CTSB: variants seen among roughly 807,000 people sequenced by gnomAD.
CTSB encodes APP secretase.
CTSB carries 57 observed loss-of-function variants against 44.3 expected under a neutral mutation model. That is an observed-to-expected ratio of 1.29 (90% CI 1.04 to 1.60). The LOEUF (loss-of-function observed/expected upper bound fraction) is 1.60, where lower values mean the gene tolerates loss of function less well. Ranked by LOEUF, CTSB falls within the 40% of genes most tolerant of loss-of-function variation. CTSB has a pLI of 0.00. For synonymous variants in CTSB, 320 were observed against 168.0 expected (o/e 1.91, Z -7.00); for missense variants, 768 against 443.0 (o/e 1.73, Z -6.59).
chr8:11,856,572 G>C (rs1371500215), intron 1 of CTSB, among the ~76,000 whole-genome samples: 1 of 152,164 alleles, frequency 6.6e-6, no homozygotes, highest in Non-Finnish European at 1.5e-5. Context: ...CTGGACGACA[G>C]ATTGAGACTT....
At chr8:11,855,332 T>C in intron 1 of CTSB, among the ~76,000 whole-genome samples, 1 of 152,122 alleles carries the variant, frequency 6.6e-6, no homozygotes, top group Non-Finnish European at 1.5e-5. Flanking sequence ...CAGATCTTAA[T>C]TTAAAAAGTT....
Position 11,847,654 on chromosome 8 carries a change from C to T in CTSB, c.676+25G>A, listed in dbSNP as rs540240066. 419 of 1,509,480 alleles carry T rather than the reference C, an allele frequency of 2.8e-4. 1 individual carries two copies. The South Asian group carries it at 4.6e-3, about 16-fold the overall frequency. The allele number at this position is 1,509,480 out of a possible 1,614,324, so 93.5% of individuals were successfully genotyped here. A position where few individuals can be genotyped will look rare whatever the true frequency, so the allele number is the denominator to read the frequency against. ...GCAGCTCCCCAGCCTCCACGTGCGC[C>T]GTGGCCAGGCCCCAGGCCCCTTACC... On this transcript the variant is annotated intron_variant, in intron 7 of 9. Coordinates refer to ENST00000353047, the MANE Select transcript of CTSB (RefSeq NM_001908.5).
At chr8:11,852,526 G>A (rs568492552) in intron 3 of CTSB, 84 bp downstream of exon 3, 3 of 1,065,410 alleles carry the variant, frequency 2.8e-6, no homozygotes, top group African/African-American at 1.6e-5. Context: ...GGACGCCAGA[G>A]AGGCCTTCAC....
At chr8:11,862,557 T>A (rs568643232) in intron 1 of CTSB, 1 of 152,270 alleles carries the variant, frequency 6.6e-6, no homozygotes, top group Non-Finnish European at 1.5e-5. Flanking sequence ...CTGTCTTGAC[T>A]GCCAAAGCAA....
rs367935240 is a variant in CTSB, at chr8:11,848,164, G to A, written c.447-12C>T. 3 of 1,611,718 alleles carry A rather than the reference G, an allele frequency of 1.9e-6. No homozygotes were observed. The highest frequency in any genetic ancestry group is 1.7e-5 in the Admixed American group (1 of 60,000). ...AGCCACCATTACAGCTGAAAAGACAGCCTCTAATGAAAACCTCTGAGAGAA... is the reference window on the plus strand; with the variant it reads ...AGCCACCATTACAGCTGAAAAGACAACCTCTAATGAAAACCTCTGAGAGAA... On this transcript the variant is annotated splice_polypyrimidine_tract_variant and intron_variant, in intron 5 of 9. Coordinates refer to ENST00000353047, the MANE Select transcript of CTSB (RefSeq NM_001908.5).
intron 8 of CTSB, chr8:11,846,289 T>TC (rs1297216432): frequency 2.0e-5 from 3 of 152,320 alleles, no homozygotes; most frequent in African/African-American, 7.2e-5. Context: ...CCAACCAGGC[T>TC]CTCGGGTGGG....
At position 11,844,338 on chromosome 8, in the gene CTSB, T is replaced by C. The variant is rs906320300; in HGVS notation, c.*787A>G. The C allele has an allele frequency of 6.6e-6, 1 of 152,222 alleles. No homozygotes were observed. Among genetic ancestry groups the C allele is most frequent in the Admixed American group, 6.5e-5 (1 of 15,286 alleles). The allele number at this position is 152,222 out of a possible 1,614,324, so 9.4% of individuals were successfully genotyped here. A position where few individuals can be genotyped will look rare whatever the true frequency, so the allele number is the denominator to read the frequency against. The stretch of plus-strand genomic sequence containing the variant: ...TAGACTTCAAGTTGGAGAAAACTTT[T>C]ATTGGCACAGGCATTCCTTGTTAAC... On this transcript the variant is annotated 3_prime_UTR_variant, in exon 10 of 10. Coordinates refer to ENST00000353047, the MANE Select transcript of CTSB (RefSeq NM_001908.5).
chr8:11,847,207 G>A (rs1428822315), intron 7 of CTSB, 39 bp from the exon 8 acceptor site: 1 of 1,365,478 alleles, frequency 7.3e-7, no homozygotes, highest in South Asian at 1.2e-5. Context: ...GGAGGGCAGT[G>A]ACCGTGCCTC....
chr8:11,866,509 G>C (rs1817173813), intron 1 of CTSB, among the ~76,000 whole-genome samples: 1 of 152,238 alleles, frequency 6.6e-6, no homozygotes, highest in African/African-American at 2.4e-5. Flanking sequence ...CTTTGGGAAA[G>C]CTACACAGGG....
intron 1 of CTSB, among the ~76,000 whole-genome samples, chr8:11,859,286 C>T (rs1235500576): frequency 6.6e-6 from 1 of 152,078 alleles, no homozygotes; most frequent in Non-Finnish European, 1.5e-5. Context: ...GAGCACCTTC[C>T]TCCCCCGGCA....
chr8:11,845,763 T>C lies in CTSB; in HGVS notation c.820A>G (p.Met274Val), dbSNP rs201335839. The C allele has an allele frequency of 1.9e-6, 3 of 1,613,930 alleles. No individual in the cohort carries two copies. Among genetic ancestry groups the C allele is most frequent in the Non-Finnish European group, 2.5e-6 (3 of 1,179,898 alleles). ...ATGCGGATGGCATGGCCACCCATCA[T>C]CTCTCCGGTGACGTGTTGGTACACT... ...SGVYQHVTGEMMGGHAIRILG... is the reference protein window; with the variant it reads ...SGVYQHVTGEVMGGHAIRILG... The change falls in exon 9 of 10, where the codon ATG (methionine) becomes GTG (valine). Residue 274 changes from methionine (M) to valine (V), a missense_variant. Met to Val is a conservative substitution (Grantham distance 21). Transcript: ENST00000353047.
At chr8:11,846,880 GC>G (rs1813464674) in intron 8 of CTSB, among the ~76,000 whole-genome samples, 171 bp downstream of exon 8, 1 of 152,064 alleles carries the variant, frequency 6.6e-6, no homozygotes, top group Admixed American at 6.5e-5. Context: ...ACAGTCAGGT[GC>G]CAGGCTGGTC....
rs1486395922 is a variant in CTSB at position 11,853,423 on chromosome 8, A to G, written c.32T>C (p.Leu11Pro). Residue 11 changes from leucine (L) to proline (P), a missense_variant, in exon 2 of 10, where the codon CTG becomes CCG. Physicochemically the swap from Leu to Pro is moderately conservative, Grantham distance 98. Transcript: ENST00000353047. MWQLWASLCC[L>P]LVLANARSRP... ...GCTCCGGGCATTGGCCAACACCAGC[A>G]GGCAGCAGAGGGAGGCCCAGAGCTG... is the stretch of plus-strand genomic sequence containing the variant. 2 of 1,612,488 alleles carry G rather than the reference A, an allele frequency of 1.2e-6. No homozygotes were observed. The highest frequency in any genetic ancestry group is 4.5e-5 in the East Asian group (2 of 44,810).
intron 1 of CTSB, chr8:11,867,442 C>T (rs1817320959): frequency 1.3e-5 from 2 of 152,294 alleles, no homozygotes; most frequent in African/African-American, 4.8e-5. Flanking sequence ...CACCCAGTGC[C>T]AGATTCCTGT....
chr8:11,854,242 C>T (rs940526775), intron 1 of CTSB, among the ~76,000 whole-genome samples: 3 of 152,208 alleles, frequency 2.0e-5, no homozygotes, highest in Middle Eastern at 3.4e-3. Context: ...AGCCGCGGCG[C>T]GGGGAGCTGG....
rs549813223 is a variant in CTSB, at chr8:11,858,153, G to C, written c.-25-4674C>G. Among the ~76,000 whole-genome samples, 3 of 152,344 alleles carry C rather than the reference G, an allele frequency of 2.0e-5. No individual in the cohort carries two copies. In the South Asian group the frequency reaches 6.2e-4, roughly 32 times the overall value. On this transcript the variant is annotated intron_variant, in intron 1 of 9. Transcript: ENST00000353047. ...CAAAGCGCCGGCACATGCCTGGCATGCAGTGATAAGGTAGGAAGGGCACTC... is the reference window on the plus strand; with the variant it reads ...CAAAGCGCCGGCACATGCCTGGCATCCAGTGATAAGGTAGGAAGGGCACTC...
rs1258238181 is a variant in CTSB at position 11,843,412 on chromosome 8, T to A, written c.*1713A>T. On this transcript the variant is annotated 3_prime_UTR_variant, in exon 10 of 10. Transcript: ENST00000353047. ...AGAGCTAGCCTCATACCACTTCAGT[T>A]GGGAAGGGGAGTACTGAGGTGTACC... 6.6e-6 allele frequency: 1 copy of A among 152,158 alleles called. No homozygotes were observed. The highest frequency in any genetic ancestry group is 1.5e-5 in the Non-Finnish European group (1 of 68,022). 9.4% of individuals were successfully genotyped at this position (152,158 alleles called of 1,614,324 possible). A position where few individuals can be genotyped will look rare whatever the true frequency, so the allele number is the denominator to read the frequency against.
At position 11,845,130 on chromosome 8, in the gene CTSB, T is replaced by G. The variant is rs777528154; in HGVS notation, c.1015A>C (p.Ile339Leu). The change falls in exon 10 of 10, where the codon ATC (isoleucine) becomes CTC (leucine). Residue 339 changes from isoleucine (I) to leucine (L), a missense_variant. Transcript: ENST00000353047. ...CACGACAGGCCCACGGCAGATTAGATCTTTTCCCAGTACTGATCGGTGCGT... is the reference window on the plus strand; with the variant it reads ...CACGACAGGCCCACGGCAGATTAGAGCTTTTCCCAGTACTGATCGGTGCGT... The part of the protein sequence containing the change: ...IPRTDQYWEK[I>L] 3 of 1,611,460 alleles carry G rather than the reference T, an allele frequency of 1.9e-6. No homozygotes were observed. In the Admixed American group the frequency reaches 5.0e-5, roughly 27 times the overall value.
chr8:11,864,433 G>T (rs75250731), intron 1 of CTSB: 3 of 151,452 alleles, frequency 2.0e-5, no homozygotes, highest in East Asian at 3.9e-4. Context: ...TGAGGCTGCC[G>T]TGAGCCGTGG....
Sources: allele counts gnomAD v4.1 joint callset (sites outside exome capture counted in the v4.1 genomes callset), GRCh38; gene constraint gnomAD v4.1.1; transcripts MANE v1.5; gene names NCBI Gene and HGNC (gene_info 2026-07-23, HGNC 2026-07-21).